HPCAL1: variants seen among roughly 807,000 people sequenced by gnomAD.
HPCAL1 encodes hippocalcin like 1.
A neutral mutation model predicts 17.1 loss-of-function variants in HPCAL1; 8 were observed. That is an observed-to-expected ratio of 0.47 (90% CI 0.27 to 0.84). HPCAL1 has a LOEUF of 0.84. HPCAL1 is among the 40% of genes least tolerant of loss of function. The pLI is 0.13. For synonymous variants in HPCAL1, 112 were observed against 111.4 expected (o/e 1.01, Z -0.03); for missense variants, 165 against 271.1 (o/e 0.61, Z 2.75).
chr2:10,420,084 C>T lies in HPCAL1; in HGVS notation c.327C>T (p.Asp109=). The change falls in exon 3 of 5, where the codon GAC becomes GAT. Residue 109 remains aspartate, a synonymous_variant. Coordinates refer to ENST00000307845, the MANE Select transcript of HPCAL1 (RefSeq NM_002149.4). The part of the protein sequence containing the change: ...QKLKWAFSMY[D]LDGNGYISRS... ...TCAAGTGGGCCTTCAGCATGTACGA[C>T]CTGGACGGCAACGGCTACATCAGCC... 6.2e-7 allele frequency: 1 copy of T among 1,613,668 alleles called. No individual in the cohort carries two copies. The highest frequency in any genetic ancestry group is 1.1e-5 in the South Asian group (1 of 91,086).
At chr2:10,416,087 A>C (rs1419543773) in intron 2 of HPCAL1, among the ~76,000 whole-genome samples, 2 of 152,210 alleles carry the variant, frequency 1.3e-5, no homozygotes, top group African/African-American at 4.8e-5. Flanking sequence ...ACAATGGCCC[A>C]GGCCCTCAAA....
intron 1 of HPCAL1, among the ~76,000 whole-genome samples, chr2:10,349,096 T>G (rs1665660773): frequency 6.6e-6 from 1 of 151,976 alleles, no homozygotes; most frequent in Non-Finnish European, 1.5e-5. Context: ...GGGCATGTTC[T>G]TGGCTGCAGT....
At chr2:10,399,810 C>T (rs1669478257) in intron 2 of HPCAL1, among the ~76,000 whole-genome samples, 1 of 152,178 alleles carries the variant, frequency 6.6e-6, no homozygotes, top group Admixed American at 6.5e-5. Context: ...CCTCCCCTAC[C>T]AGCCTCCCTC....
At chr2:10,317,004 C>A (rs571400772) in intron 1 of HPCAL1, among the ~76,000 whole-genome samples, 1 of 152,240 alleles carries the variant, frequency 6.6e-6, no homozygotes, top group Non-Finnish European at 1.5e-5. Context: ...CGGGTTATTA[C>A]AAGATTTAAC....
chr2:10,425,710 G>T (rs1671361831), intron 4 of HPCAL1: 1 of 152,288 alleles, frequency 6.6e-6, no homozygotes, highest in African/African-American at 2.4e-5. Context: ...CCCTGTGCTG[G>T]GCCTGGCTGC....
At chr2:10,309,863 T>G (rs1350505587) in intron 1 of HPCAL1, among the ~76,000 whole-genome samples, 2 of 152,178 alleles carry the variant, frequency 1.3e-5, no homozygotes, top group African/African-American at 4.8e-5. Flanking sequence ...GTACGCCAGG[T>G]AGATCACAAA....
At chr2:10,334,764 C>A (rs1297113312) in intron 1 of HPCAL1, among the ~76,000 whole-genome samples, 1 of 150,886 alleles carries the variant, frequency 6.6e-6, no homozygotes, top group East Asian at 1.9e-4. Context: ...CGGCTCATTG[C>A]AACTTCCACC....
At chr2:10,424,096 A>C in intron 4 of HPCAL1, 1 of 185,262 alleles carries the variant, frequency 5.4e-6, no homozygotes, top group East Asian at 1.4e-4. Flanking sequence ...CCATCTCAAA[A>C]AAATAAAGAG....
At chr2:10,341,377 G>A (rs1819825) in intron 1 of HPCAL1, among the ~76,000 whole-genome samples, 31,159 of 152,080 alleles carry the variant, frequency 0.2, 3,281 homozygotes, top group Non-Finnish European at 0.24. Flanking sequence ...CCTGAGCCCA[G>A]GAAGTCGAGG....
rs548589414 is a variant in HPCAL1 at position 10,419,979 on chromosome 2, C to A, written c.222C>A (p.Thr74=). ...FAEHVFRTFD[T]NGDGTIDFRE... The stretch of plus-strand genomic sequence containing the variant: ...AGCACGTCTTCCGCACCTTCGACAC[C>A]AACGGCGACGGCACCATCGACTTCC... Residue 74 remains threonine (T), a synonymous_variant, in exon 3 of 5, where the codon ACC becomes ACA. Coordinates refer to ENST00000307845, the MANE Select transcript of HPCAL1 (RefSeq NM_002149.4). This position sits in a 1 kb window ranked among gnomAD's most constrained non-coding sequence, Gnocchi z 5.0. 1.2e-6 allele frequency: 2 copies of A among 1,614,002 alleles called. No homozygotes were observed. Among genetic ancestry groups the A allele is most frequent in the Admixed American group, 3.3e-5 (2 of 60,018 alleles).
At chr2:10,368,334 AGTGTGTGTAGGTTT>A (rs1487847890) in intron 1 of HPCAL1, among the ~76,000 whole-genome samples, 1 of 149,382 alleles carries the variant, frequency 6.7e-6, no homozygotes, top group African/African-American at 2.5e-5. Flanking sequence ...GTGTGTGTGC[AGTGTGTGTAGGTTT>A]GTGTGTGTGT....
At chr2:10,352,649 G>A (rs546333840) in intron 1 of HPCAL1, among the ~76,000 whole-genome samples, 98 of 152,298 alleles carry the variant, frequency 6.4e-4, no homozygotes, top group African/African-American at 2.3e-3. Flanking sequence ...GCTCTCCTTC[G>A]CATGGGTGTC....
chr2:10,381,465 C>T (rs544556455), intron 1 of HPCAL1, among the ~76,000 whole-genome samples: 4 of 152,306 alleles, frequency 2.6e-5, no homozygotes, highest in South Asian at 2.1e-4. Flanking sequence ...TGGAGATGTT[C>T]GTGTTCCAGT....
intron 1 of HPCAL1, among the ~76,000 whole-genome samples, chr2:10,334,695 C>CTTTTTCTTTTTTTTTTT (rs1553342211): frequency 1.6e-4 from 23 of 146,422 alleles, no homozygotes; most frequent in African/African-American, 5.4e-4. Flanking sequence ...ATTCCATTGA[C>CTTTTTCTTTTTTTTTTT]TTTTTTTTGA....
At chr2:10,341,361 G>A (rs1289748485) in intron 1 of HPCAL1, among the ~76,000 whole-genome samples, 1 of 152,108 alleles carries the variant, frequency 6.6e-6, no homozygotes, top group Non-Finnish European at 1.5e-5. Context: ...TGAAGCGGGA[G>A]GATCACCTGA....
intron 1 of HPCAL1, among the ~76,000 whole-genome samples, chr2:10,325,509 C>G (rs1383131580): frequency 1.3e-5 from 2 of 152,190 alleles, no homozygotes; most frequent in Non-Finnish European, 2.9e-5. Context: ...TCTCCCTGTG[C>G]CTCTCTGCTT....
At chr2:10,368,943 C>T (rs1037814336) in intron 1 of HPCAL1, 5 of 152,218 alleles carry the variant, frequency 3.3e-5, no homozygotes, top group African/African-American at 4.8e-5. Context: ...ACATCTAAAC[C>T]GAGTGGGGAG....
chr2:10,366,116 G>GTGGCTGGCCTTGGAGAGC (rs1666835530), intron 1 of HPCAL1, among the ~76,000 whole-genome samples: 1 of 152,210 alleles, frequency 6.6e-6, no homozygotes, highest in Admixed American at 6.5e-5. Context: ...CTGTCTGGTG[G>GTGGCTGGCCTTGGAGAGC]TGGCTGGCCT....
Position 10,419,718 on chromosome 2 carries a change from A to ACC in HPCAL1, c.-24-12_-24-11dup. On this transcript the variant is annotated splice_polypyrimidine_tract_variant and intron_variant, in intron 2 of 4. Transcript: ENST00000307845. This position sits in a 1 kb window ranked among gnomAD's most constrained non-coding sequence, Gnocchi z 5.0. ...TGGCCGTGGGTGGCGTCCCCGGCTG[A>ACC]CCCCCTGTCTTGCAGGTGTAGTCGC... The ACC allele has an allele frequency of 6.3e-7, 1 of 1,579,952 alleles. No homozygotes were observed. The highest frequency in any genetic ancestry group is 1.2e-5 in the South Asian group (1 of 85,112).
Sources: gnomAD v4.1 joint callset for allele counts (sites outside exome capture counted in the v4.1 genomes callset) on GRCh38, gnomAD v4.1.1 for gene constraint, Gnocchi (gnomAD v3.1) non-coding constraint, MANE v1.5 for transcripts, NCBI Gene and HGNC (gene_info 2026-07-23, HGNC 2026-07-21) for gene names.